The following HDAC4 variants were observed in gnomAD, a reference collection of about 807,000 sequenced individuals.
HDAC4 encodes histone deacetylase A.
In HDAC4, 16 loss-of-function variants were observed where a neutral mutation model predicts 135.1. The ratio of observed to expected loss-of-function variants is 0.12; its 90% CI spans 0.08 to 0.18. HDAC4 has a LOEUF of 0.18. Ranked by LOEUF, HDAC4 falls within the 10% of genes least tolerant of loss-of-function variation. The probability of loss-of-function intolerance (pLI) is 1.00; values close to 1 mark genes in which losing one functional copy is unlikely to be tolerated. For synonymous variants in HDAC4, 685 were observed against 653.4 expected, an observed-to-expected ratio of 1.05 and a Z score of -0.74; for missense variants, 1,143 against 1,511.8, an observed-to-expected ratio of 0.76 and a Z score of 4.05.
chr2:239,104,179 G>A (rs1168040705), intron 15 of HDAC4, among the ~76,000 whole-genome samples: 1 of 152,220 alleles, frequency 6.6e-6, no homozygotes, highest in Non-Finnish European at 1.5e-5. Flanking sequence ...TCTCTGGGTA[G>A]GGGTCAGGGT....
rs35449811 is a variant in HDAC4 at position 239,298,863 on chromosome 2, A to ATTTTTT, written c.22+53809_22+53814dup. Among the ~76,000 whole-genome samples the ATTTTTT allele has an allele frequency of 4.7e-4, 39 of 82,974 alleles. 2 individuals are homozygous for ATTTTTT. The highest frequency in any genetic ancestry group is 8.7e-4 in the African/African-American group (17 of 19,558). The allele number at this position is 82,974 out of a possible 152,430, so 54.4% of individuals were successfully genotyped here. On this transcript the variant is annotated intron_variant, in intron 2 of 26. Coordinates refer to ENST00000543185, the MANE Select transcript of HDAC4 (RefSeq NM_001378414.1). ...AAGCAACCCTTCATGGCCATAGCCT[A>ATTTTTT]TTTTTTTTTTTTTTTTTTTTTTTTT...
At chr2:239,201,788 T>C (rs1210245339) in intron 3 of HDAC4, among the ~76,000 whole-genome samples, 1 of 152,224 alleles carries the variant, frequency 6.6e-6, no homozygotes, top group Non-Finnish European at 1.5e-5. Context: ...AATAAAAAGC[T>C]ACAATTAATA....
chr2:239,084,245 G>A lies in HDAC4; in HGVS notation c.2445-3C>T. 6.2e-7 allele frequency: 1 copy of A among 1,609,116 alleles called. No individual in the cohort carries two copies. Among genetic ancestry groups the A allele is most frequent in the Non-Finnish European group, 8.5e-7 (1 of 1,176,832 alleles). The stretch of plus-strand genomic sequence containing the variant: ...CGGAGTTGAAGTAGCAAAAGCCCCT[G>A]CGGGAGAGAACTGACGCTGGAGACG... On this transcript the variant is annotated splice_polypyrimidine_tract_variant and splice_region_variant and intron_variant, in intron 19 of 26. Transcript: ENST00000543185.
chr2:239,363,215 T>C (rs1338723078), intron 1 of HDAC4, among the ~76,000 whole-genome samples: 1 of 152,228 alleles, frequency 6.6e-6, no homozygotes, highest in Non-Finnish European at 1.5e-5. Context: ...GAGATTCCGA[T>C]GTCAATGTTT....
At chr2:239,199,113 CA>C (rs1265490910) in intron 3 of HDAC4, among the ~76,000 whole-genome samples, 62 of 2,918 alleles carry the variant, frequency 0.021, no homozygotes, top group African/African-American at 0.064. Flanking sequence ...TCCTGCCCCC[CA>C]CCACCCCCAC....
At chr2:239,316,894 T>C (rs2053134901) in intron 2 of HDAC4, among the ~76,000 whole-genome samples, 1 of 152,132 alleles carries the variant, frequency 6.6e-6, no homozygotes, top group African/African-American at 2.4e-5. Flanking sequence ...CAATTGGGTT[T>C]CACATCATCA....
chr2:239,372,091 G>T (rs1694664370), intron 1 of HDAC4, among the ~76,000 whole-genome samples: 1 of 152,208 alleles, frequency 6.6e-6, no homozygotes, highest in South Asian at 2.1e-4. Flanking sequence ...AACGAGGGCA[G>T]TAGGGTGAAG....
chr2:239,087,680 G>T, intron 18 of HDAC4, 66 bp from the exon 19 acceptor site: 1 of 1,468,778 alleles, frequency 6.8e-7, no homozygotes, highest in Non-Finnish European at 9.5e-7. Flanking sequence ...ACGGGAAAAT[G>T]GTTGCACACT....
At chr2:239,267,723 C>T (rs770901466) in intron 2 of HDAC4, among the ~76,000 whole-genome samples, 3 of 152,258 alleles carry the variant, frequency 2.0e-5, no homozygotes, top group African/African-American at 4.8e-5. Context: ...ATCACAGGGA[C>T]GAGGCCCCTC....
intron 1 of HDAC4, among the ~76,000 whole-genome samples, chr2:239,361,815 G>T (rs1307141817): frequency 3.3e-5 from 5 of 152,064 alleles, no homozygotes; most frequent in Non-Finnish European, 7.4e-5. Context: ...GAAATTAAAT[G>T]GTTTAATAAG....
intron 24 of HDAC4, among the ~76,000 whole-genome samples, chr2:239,065,259 G>A (rs985783841): frequency 3.3e-5 from 5 of 152,224 alleles, no homozygotes; most frequent in African/African-American, 1.2e-4. Context: ...GCACCTGTAA[G>A]TGTGTGACCG....
chr2:239,191,232 G>A (rs1440524478), intron 3 of HDAC4, among the ~76,000 whole-genome samples: 1 of 152,216 alleles, frequency 6.6e-6, no homozygotes, highest in Non-Finnish European at 1.5e-5. Flanking sequence ...GAGGGCTGCT[G>A]AGAAAACAGC....
intron 24 of HDAC4, among the ~76,000 whole-genome samples, chr2:239,058,526 C>A (rs1331871805): frequency 6.6e-6 from 1 of 152,110 alleles, no homozygotes; most frequent in Non-Finnish European, 1.5e-5. Context: ...GCTAAAAGTC[C>A]CAAAGGAAAA....
rs115734814 is a variant in HDAC4, at chr2:239,307,788, G to A, written c.22+44890C>T. Reference sequence around the variant, plus strand: ...TGGAATGAGGATGTCGGAGTGTTTCGTGCTTTCTTTCCAGAGGGTTTCCCA... The same window carrying A: ...TGGAATGAGGATGTCGGAGTGTTTCATGCTTTCTTTCCAGAGGGTTTCCCA... On this transcript the variant is annotated intron_variant, in intron 2 of 26. Transcript: ENST00000543185. This position sits in a 1 kb window ranked among gnomAD's most constrained non-coding sequence, Gnocchi z 4.8. Among the ~76,000 whole-genome samples the A allele has an allele frequency of 1.2e-3, 186 of 152,216 alleles. No homozygotes were observed. Among genetic ancestry groups the A allele is most frequent in the African/African-American group, 4.2e-3 (174 of 41,526 alleles).
chr2:239,125,235 C>A (rs2040095485), intron 12 of HDAC4, among the ~76,000 whole-genome samples: 2 of 152,232 alleles, frequency 1.3e-5, no homozygotes, highest in Non-Finnish European at 2.9e-5. Flanking sequence ...CGGCTGAACA[C>A]CGTCTGTTGG....
intron 22 of HDAC4, among the ~76,000 whole-genome samples, chr2:239,077,430 C>T (rs1186989386): frequency 1.3e-5 from 2 of 152,270 alleles, no homozygotes; most frequent in African/African-American, 2.4e-5. Flanking sequence ...TCCTCCCAGT[C>T]CCCCGCTATC....
chr2:239,054,080 G>A (rs1010939633), intron 25 of HDAC4, among the ~76,000 whole-genome samples: 3 of 152,054 alleles, frequency 2.0e-5, no homozygotes, highest in Non-Finnish European at 2.9e-5. Context: ...TATGTGGAGG[G>A]CTGGGCCTGG....
chr2:239,389,956 A>C (rs1696090319), intron 1 of HDAC4, among the ~76,000 whole-genome samples: 1 of 152,198 alleles, frequency 6.6e-6, no homozygotes, highest in Admixed American at 6.5e-5. Flanking sequence ...AGACTTGCTA[A>C]GACAAAGATG....
chr2:239,271,710 G>A (rs1202744034), intron 2 of HDAC4, among the ~76,000 whole-genome samples: 1 of 152,204 alleles, frequency 6.6e-6, no homozygotes, highest in Non-Finnish European at 1.5e-5. Context: ...GGACCCCGAA[G>A]ACAGGTTGCC....
Sources: gnomAD v4.1 joint callset for allele counts (sites outside exome capture counted in the v4.1 genomes callset) on GRCh38, gnomAD v4.1.1 for gene constraint, Gnocchi (gnomAD v3.1) non-coding constraint, MANE v1.5 for transcripts, NCBI Gene and HGNC (gene_info 2026-07-23, HGNC 2026-07-21) for gene names.